Variants in MEGF11 observed in about 807,000 individuals in gnomAD.
MEGF11 encodes multiple EGF like domains 11, also known as multiple epidermal growth factor-like domains protein 11.
MEGF11 carries 126 observed loss-of-function variants against 146.6 expected under a neutral mutation model. That is an observed-to-expected ratio of 0.86 (90% CI 0.74 to 1.00). MEGF11 has a LOEUF of 1.00. Ranked by LOEUF, MEGF11 falls within the 50% of genes least tolerant of loss-of-function variation. The pLI is 0.00. For synonymous variants in MEGF11, 532 were observed against 583.4 expected (o/e 0.91, Z 1.27); for missense variants, 1,509 against 1,521.2 (o/e 0.99, Z 0.13).
intron 3 of MEGF11, among the ~76,000 whole-genome samples, chr15:66,120,472 AG>A (rs2087968655): frequency 6.6e-6 from 1 of 151,800 alleles, no homozygotes. Context: ...GCACAGCAGC[AG>A]GGTCTGGTCA....
At position 65,957,645 on chromosome 15, in the gene MEGF11, C is replaced by T. The variant is rs762282490; in HGVS notation, c.1189G>A (p.Gly397Ser). The change falls in exon 10 of 26, where the codon GGC becomes AGC. Residue 397 changes from glycine to serine, a missense_variant. Transcript: ENST00000395614. ...AGCTGGCAGCCATCGCCATAGTAGC[C>T]AACAGGGCAGGATTCATTGCAGTGG... ...GHHCNESCPV[G>S]YYGDGCQLPC... 6.2e-7 allele frequency: 1 copy of T among 1,613,976 alleles called. No homozygotes were observed. The highest frequency in any genetic ancestry group is 8.5e-7 in the Non-Finnish European group (1 of 1,179,886).
intron 1 of MEGF11, among the ~76,000 whole-genome samples, chr15:66,208,344 T>C (rs576837397): frequency 7.1e-4 from 108 of 152,024 alleles, no homozygotes; most frequent in Middle Eastern, 3.4e-3. Context: ...TAAAAGGCTA[T>C]GCAAAGATAT....
intron 1 of MEGF11, among the ~76,000 whole-genome samples, chr15:66,177,899 G>A (rs1397462763): frequency 6.6e-6 from 1 of 152,060 alleles, no homozygotes; most frequent in Non-Finnish European, 1.5e-5. Flanking sequence ...TGCCCAGGCT[G>A]GTCTGGAACA....
At chr15:65,909,254 G>A (rs1277198228) in intron 22 of MEGF11, 119 bp from the exon 23 acceptor site, 5 of 740,982 alleles carry the variant, frequency 6.7e-6, no homozygotes, top group Non-Finnish European at 9.3e-6. Context: ...GGAGGACTTG[G>A]GGGCCTCTGT....
chr15:66,150,091 C>T (rs902152381), intron 1 of MEGF11, among the ~76,000 whole-genome samples: 11 of 152,340 alleles, frequency 7.2e-5, no homozygotes, highest in Non-Finnish European at 1.3e-4. Flanking sequence ...GAGAAGCAGC[C>T]CCCACATCCC....
intron 5 of MEGF11, among the ~76,000 whole-genome samples, chr15:66,067,887 G>A (rs937190282): frequency 2.6e-5 from 4 of 152,160 alleles, no homozygotes; most frequent in African/African-American, 7.2e-5. Flanking sequence ...CCTTTCCTCT[G>A]GTGTTGCTGG....
At chr15:66,117,965 T>C (rs1162357393) in intron 4 of MEGF11, among the ~76,000 whole-genome samples, 1 of 152,098 alleles carries the variant, frequency 6.6e-6, no homozygotes. Context: ...GTAACAACAG[T>C]AGGAGAAAAT....
At chr15:65,954,000 G>T (rs1200186373) in intron 10 of MEGF11, among the ~76,000 whole-genome samples, 1 of 152,160 alleles carries the variant, frequency 6.6e-6, no homozygotes. Flanking sequence ...GGAGGGGACA[G>T]CTGAGGATGC....
intron 5 of MEGF11, among the ~76,000 whole-genome samples, chr15:66,072,753 A>G (rs1301651406): frequency 6.6e-6 from 1 of 152,220 alleles, no homozygotes; most frequent in Non-Finnish European, 1.5e-5. Context: ...GAGCTTGGAC[A>G]ACTATCATCC....
chr15:65,987,803 T>G (rs72742862), intron 5 of MEGF11, among the ~76,000 whole-genome samples: 22,632 of 149,172 alleles, frequency 0.15, 2,402 homozygotes, highest in East Asian at 0.62. Context: ...CTCCACCTCC[T>G]GGGTTCAAAG....
intron 10 of MEGF11, among the ~76,000 whole-genome samples, chr15:65,940,452 T>C (rs28582399): frequency 0.17 from 26,377 of 152,188 alleles, 2,428 homozygotes; most frequent in African/African-American, 0.2. Context: ...TGGGGAGCCT[T>C]ATTTGTAATT....
In MEGF11 at chr15:66,226,748, G is replaced by C. The variant is rs543674781; in HGVS notation, c.-9+26857C>G. ...TACTGTCCACAGCATCCACTGGGGG[G>C]GCTTGGAACATGTCCTCCGAGAATA... On this transcript the variant is annotated intron_variant, in intron 1 of 25. Coordinates refer to ENST00000395614, the MANE Select transcript of MEGF11 (RefSeq NM_001385028.1). Among the ~76,000 whole-genome samples, 21 of 152,134 alleles carry C rather than the reference G, an allele frequency of 1.4e-4. No individual in the cohort carries two copies. In the East Asian group the frequency reaches 4.1e-3, roughly 29 times the overall value.
chr15:65,992,580 G>GCT (rs1186631012), intron 5 of MEGF11, among the ~76,000 whole-genome samples: 1 of 151,926 alleles, frequency 6.6e-6, no homozygotes, highest in African/African-American at 2.4e-5. Flanking sequence ...TTATTGACCT[G>GCT]CTTTAGGAGA....
At chr15:66,108,169 A>T (rs2087191812) in intron 4 of MEGF11, among the ~76,000 whole-genome samples, 1 of 152,224 alleles carries the variant, frequency 6.6e-6, no homozygotes, top group South Asian at 2.1e-4. Flanking sequence ...AGGTAACGGG[A>T]CGTTGAGGAG....
chr15:66,132,168 C>T (rs2088672842), intron 1 of MEGF11, among the ~76,000 whole-genome samples: 1 of 152,198 alleles, frequency 6.6e-6, no homozygotes, highest in Non-Finnish European at 1.5e-5. Context: ...TCTGGAGGCC[C>T]CTGCCTCTGC....
chr15:66,045,345 C>T (rs2084162274), intron 5 of MEGF11, among the ~76,000 whole-genome samples: 1 of 152,170 alleles, frequency 6.6e-6, no homozygotes. Context: ...GGGTCCTGAG[C>T]CATAGGCTTG....
At chr15:66,032,382 G>A (rs2083556640) in intron 5 of MEGF11, among the ~76,000 whole-genome samples, 3 of 152,234 alleles carry the variant, frequency 2.0e-5, no homozygotes, top group Admixed American at 6.5e-5. Flanking sequence ...TTTGAGGACT[G>A]GGTAATGGGT....
intron 13 of MEGF11, among the ~76,000 whole-genome samples, chr15:65,926,777 C>T (rs1247632959): frequency 3.3e-5 from 5 of 152,212 alleles, no homozygotes; most frequent in Admixed American, 1.3e-4. Context: ...AATTTTTAAG[C>T]ACTAGATGTC....
At chr15:65,964,798 C>G (rs1456632291) in intron 9 of MEGF11, 110 bp downstream of exon 9, 4 of 1,072,946 alleles carry the variant, frequency 3.7e-6, no homozygotes, top group South Asian at 3.2e-5. Context: ...CCCTTTCCCC[C>G]ACCTGCCTGG....
Sources: gnomAD v4.1 joint callset for allele counts (sites outside exome capture counted in the v4.1 genomes callset) on GRCh38, gnomAD v4.1.1 for gene constraint, MANE v1.5 for transcripts, NCBI Gene and HGNC (gene_info 2026-07-23, HGNC 2026-07-21) for gene names.